Variants in CNIH3 observed in about 807,000 individuals in gnomAD.
The protein encoded by CNIH3 is cornichon family AMPA receptor auxiliary protein 3, also known as protein cornichon homolog 3.
Under a neutral mutation model 24.1 loss-of-function variants are expected in CNIH3, and 14 were observed. The observed-to-expected ratio is 0.58, with a 90% CI of 0.38 to 0.91. The LOEUF (loss-of-function observed/expected upper bound fraction) is 0.91. Ranked by LOEUF, CNIH3 falls within the 40% of genes least tolerant of loss-of-function variation. The pLI, the probability that CNIH3 is intolerant of heterozygous loss-of-function variation, is 0.00. For synonymous variants in CNIH3, 68 were observed against 73.8 expected (o/e 0.92, Z 0.40); for missense variants, 178 against 196.8 (o/e 0.90, Z 0.57).
intron 1 of CNIH3, among the ~76,000 whole-genome samples, chr1:224,469,096 T>C (rs1186037441): frequency 2.0e-5 from 3 of 152,124 alleles, no homozygotes; most frequent in Non-Finnish European, 4.4e-5. Context: ...TTATTTTATT[T>C]TTTAGACAGG....
At position 224,616,457 on chromosome 1, in the gene CNIH3, C is replaced by T. The variant is rs1682991999; in HGVS notation, c.-718C>T. ...GGTGGAGCCAGTGCTCGCCCCGGTC[C>T]GACCCCCGGTTTCCGGGACACTTGG... On this transcript the variant is annotated 5_prime_UTR_variant, in exon 1 of 6. Transcript: ENST00000272133. 1 of 989,022 alleles carries T rather than the reference C, an allele frequency of 1.0e-6. No homozygotes were observed. 61.3% of individuals were successfully genotyped at this position (989,022 alleles called of 1,614,324 possible).
intron 1 of CNIH3, among the ~76,000 whole-genome samples, chr1:224,660,030 C>T (rs1685273306): frequency 6.6e-6 from 1 of 152,182 alleles, no homozygotes; most frequent in Non-Finnish European, 1.5e-5. Context: ...TCACATCTCT[C>T]TCCCCTACCA....
intron 2 of CNIH3, among the ~76,000 whole-genome samples, chr1:224,545,731 G>A (rs543178216): frequency 6.6e-6 from 1 of 152,346 alleles, no homozygotes; most frequent in African/African-American, 2.4e-5. Context: ...GTGTGATGAA[G>A]AGGGTAATTT....
chr1:224,518,788 C>T (rs983042948), intron 1 of CNIH3, among the ~76,000 whole-genome samples: 2 of 152,138 alleles, frequency 1.3e-5, no homozygotes, highest in Non-Finnish European at 2.9e-5. Flanking sequence ...CCGTACAGCT[C>T]CAAAGGACAA....
chr1:224,443,505 A>G (rs564897311), intron 1 of CNIH3, among the ~76,000 whole-genome samples: 7 of 152,276 alleles, frequency 4.6e-5, no homozygotes, highest in African/African-American at 1.7e-4. Flanking sequence ...TAAGCTTAAT[A>G]TCGAGGGACA....
chr1:224,493,920 A>G (rs2124852705), intron 1 of CNIH3, among the ~76,000 whole-genome samples: 1 of 152,282 alleles, frequency 6.6e-6, no homozygotes, highest in South Asian at 2.1e-4. Context: ...CTGCCACAGA[A>G]CCAATCGGGT....
chr1:224,715,061 C>T (rs554198525), intron 3 of CNIH3, among the ~76,000 whole-genome samples: 6 of 152,314 alleles, frequency 3.9e-5, no homozygotes, highest in South Asian at 2.1e-4. Context: ...CTTGTTCACA[C>T]GCGTCTCCCT....
At chr1:224,615,980 T>G (rs1682946029), upstream of CNIH3, 1 of 152,398 alleles carries the variant, frequency 6.6e-6, no homozygotes, top group African/African-American at 2.4e-5. Context: ...CTGCGGCGTT[T>G]AGGCGCGAGG....
intron 3 of CNIH3, among the ~76,000 whole-genome samples, chr1:224,547,513 T>C (rs1679746709): frequency 1.3e-5 from 2 of 152,164 alleles, no homozygotes; most frequent in South Asian, 4.1e-4. Context: ...CACCCTGTGA[T>C]AGTATTAGTA....
intron 1 of CNIH3, among the ~76,000 whole-genome samples, chr1:224,625,551 G>A (rs1175979547): frequency 5.9e-5 from 9 of 152,180 alleles, no homozygotes; most frequent in South Asian, 2.1e-4. Context: ...GCGAGACTCC[G>A]TCTCAAAAGA....
At chr1:224,590,104 T>A (rs1335526213), downstream of CNIH3, among the ~76,000 whole-genome samples, 1 of 152,162 alleles carries the variant, frequency 6.6e-6, no homozygotes, top group East Asian at 1.9e-4. Flanking sequence ...CTCAAACTCC[T>A]GACCTCATGA....
At chr1:224,615,488 G>A (rs1682913869), upstream of CNIH3, 1 of 152,132 alleles carries the variant, frequency 6.6e-6, no homozygotes, top group South Asian at 2.1e-4. Flanking sequence ...CAAGTGCTAG[G>A]TTTTTTACTT....
Position 224,600,266 on chromosome 1 carries a change from C to T in CNIH3, n.402+34002C>T, listed in dbSNP as rs1003199883. Among the ~76,000 whole-genome samples, 18 of 151,416 alleles carry T rather than the reference C, an allele frequency of 1.2e-4. No individual in the cohort carries two copies. The South Asian group carries it at 1.3e-3, about 11-fold the overall frequency. On this transcript the variant is annotated intron_variant and non_coding_transcript_variant, in intron 3 of 7. Coordinates refer to the CNIH3 transcript ENST00000478120. ...ATGCAATGGTGTGATCTTGGCTCAC[C>T]GCAACCTCCACCTCCCAGGTTTAAG...
chr1:224,629,882 A>G (rs915935757), intron 1 of CNIH3, among the ~76,000 whole-genome samples: 1 of 152,066 alleles, frequency 6.6e-6, no homozygotes, highest in Non-Finnish European at 1.5e-5. Flanking sequence ...CTGTTTTACT[A>G]CATTTCTTAG....
At chr1:224,566,731 G>A (rs1322147901) in intron 4 of CNIH3, among the ~76,000 whole-genome samples, 2 of 152,132 alleles carry the variant, frequency 1.3e-5, no homozygotes, top group Non-Finnish European at 2.9e-5. Flanking sequence ...GTATTCCATG[G>A]TGCATATGTG....
At chr1:224,701,845 C>T (rs1487301434) in intron 3 of CNIH3, among the ~76,000 whole-genome samples, 1 of 152,078 alleles carries the variant, frequency 6.6e-6, no homozygotes, top group East Asian at 1.9e-4. Context: ...TCCAGGCAGT[C>T]TTTCCTTGGA....
At chr1:224,702,214 A>G (rs1687532468) in intron 3 of CNIH3, among the ~76,000 whole-genome samples, 1 of 152,208 alleles carries the variant, frequency 6.6e-6, no homozygotes, top group African/African-American at 2.4e-5. Context: ...TCTCTTAAAA[A>G]TAATTACACA....
chr1:224,456,477 C>A (rs1299846802), intron 1 of CNIH3, among the ~76,000 whole-genome samples: 1 of 152,152 alleles, frequency 6.6e-6, no homozygotes, highest in Non-Finnish European at 1.5e-5. Flanking sequence ...GTGGTGCAGT[C>A]ACGGCTCACA....
upstream of CNIH3, among the ~76,000 whole-genome samples, chr1:224,515,207 G>C (rs557230708): frequency 3.6e-3 from 552 of 152,312 alleles, 4 homozygotes; most frequent in African/African-American, 0.012. Context: ...GCATTGATTT[G>C]ATTACCACTC....
Sources: gnomAD v4.1 joint callset for allele counts (sites outside exome capture counted in the v4.1 genomes callset) on GRCh38, gnomAD v4.1.1 for gene constraint, MANE v1.5 for transcripts, NCBI Gene and HGNC (gene_info 2026-07-23, HGNC 2026-07-21) for gene names.